ZFYVE9: variants seen among roughly 807,000 people sequenced by gnomAD.
ZFYVE9 encodes the protein zinc finger FYVE domain-containing protein 9.
ZFYVE9 carries 43 observed loss-of-function variants against 126.7 expected under a neutral mutation model. That is an observed-to-expected ratio of 0.34 (90% CI 0.27 to 0.44). The LOEUF (loss-of-function observed/expected upper bound fraction) is 0.44. Among genes scored for constraint, ZFYVE9 ranks in the 20% least tolerant of loss-of-function variants. ZFYVE9 has a pLI of 1.00. For missense variants in ZFYVE9, 1,476 were observed against 1,697.0 expected (o/e 0.87, Z 2.29); for synonymous variants, 521 against 597.4 (o/e 0.87, Z 1.87).
At chr1:52,262,342 G>A (rs991772420) in intron 4 of ZFYVE9, among the ~76,000 whole-genome samples, 8 of 152,300 alleles carry the variant, frequency 5.3e-5, no homozygotes, top group Admixed American at 5.2e-4. Flanking sequence ...TTGTAAATGA[G>A]TGTCTTCATG....
intron 8 of ZFYVE9, among the ~76,000 whole-genome samples, chr1:52,276,213 GT>G (rs770209542): frequency 6.6e-6 from 1 of 152,000 alleles, no homozygotes; most frequent in African/African-American, 2.4e-5. Context: ...GTCTGACAAT[GT>G]TTCTTATAAC....
At chr1:52,155,049 T>G (rs1475136188) in intron 1 of ZFYVE9, among the ~76,000 whole-genome samples, 1 of 152,164 alleles carries the variant, frequency 6.6e-6, no homozygotes, top group Non-Finnish European at 1.5e-5. Context: ...TGTTTCATTT[T>G]GATCCTTGAT....
intron 13 of ZFYVE9, among the ~76,000 whole-genome samples, chr1:52,321,341 G>A (rs1646238101): frequency 6.6e-6 from 1 of 152,148 alleles, no homozygotes; most frequent in Admixed American, 6.6e-5. Context: ...ATTTCTTTTA[G>A]GGAATTAGGA....
chr1:52,168,247 C>T (rs1242119109), intron 1 of ZFYVE9, among the ~76,000 whole-genome samples: 2 of 129,610 alleles, frequency 1.5e-5, no homozygotes, highest in African/African-American at 2.9e-5. Flanking sequence ...GACAGAGTCT[C>T]GCTCTGTCAT....
intron 7 of ZFYVE9, among the ~76,000 whole-genome samples, chr1:52,270,084 T>G (rs950311997): frequency 6.6e-6 from 1 of 152,214 alleles, no homozygotes; most frequent in Non-Finnish European, 1.5e-5. Context: ...ACACACGCTT[T>G]TTTTTTATGA....
chr1:52,291,309 A>G (rs77471094), intron 10 of ZFYVE9, among the ~76,000 whole-genome samples: 1,886 of 152,306 alleles, frequency 0.012, 33 homozygotes, highest in African/African-American at 0.043. Context: ...GGATGCAAAG[A>G]CCCATAACCA....
chr1:52,313,982 C>G (rs1646160370), intron 13 of ZFYVE9, among the ~76,000 whole-genome samples: 2 of 152,130 alleles, frequency 1.3e-5, no homozygotes, highest in African/African-American at 2.4e-5. Context: ...TGTGGAATGT[C>G]AGGCAGCCAA....
At chr1:52,155,318 C>A (rs1644392854) in intron 1 of ZFYVE9, among the ~76,000 whole-genome samples, 1 of 150,072 alleles carries the variant, frequency 6.7e-6, no homozygotes, top group Admixed American at 6.7e-5. Flanking sequence ...ACTGCAGGCT[C>A]CGCCCCCCGG....
intron 4 of ZFYVE9, among the ~76,000 whole-genome samples, chr1:52,255,958 CTTTTCTT>C (rs1327249628): frequency 1.8e-4 from 15 of 83,270 alleles, no homozygotes; most frequent in Admixed American, 1.6e-3. Context: ...CTTTTCTTTT[CTTTTCTT>C]TTCTTTCTTT....
intron 4 of ZFYVE9, chr1:52,252,326 G>GT (rs1481210288): frequency 1.3e-5 from 2 of 156,854 alleles, no homozygotes; most frequent in Non-Finnish European, 2.8e-5. Context: ...TGTTGTTGTT[G>GT]TTGTTTGTTT....
intron 10 of ZFYVE9, among the ~76,000 whole-genome samples, chr1:52,287,806 G>A (rs1460392181): frequency 2.6e-5 from 4 of 151,984 alleles, no homozygotes; most frequent in East Asian, 1.9e-4. Flanking sequence ...TTTTGAGGCC[G>A]TAGTGAGCTA....
chr1:52,203,585 C>T lies in ZFYVE9; in HGVS notation c.-142-12784C>T, dbSNP rs541485170. Among the ~76,000 whole-genome samples the T allele has an allele frequency of 1.6e-4, 24 of 146,706 alleles. No homozygotes were observed. The South Asian group carries it at 4.5e-3, about 28-fold the overall frequency. ...TTTTTCATGCTTGGTGTTCTCTGAA[C>T]TTTCTGTATCTGGGAATTGGTACGT... is the stretch of plus-strand genomic sequence containing the variant. On this transcript the variant is annotated intron_variant, in intron 1 of 18. Coordinates refer to ENST00000287727, the MANE Select transcript of ZFYVE9 (RefSeq NM_004799.4).
Position 52,174,988 on chromosome 1 carries a change from C to T in ZFYVE9, c.-143+32585C>T, listed in dbSNP as rs534936966. Among the ~76,000 whole-genome samples, 7 of 152,192 alleles carry T rather than the reference C, an allele frequency of 4.6e-5. No homozygotes were observed. In the South Asian group the frequency reaches 6.2e-4, roughly 14 times the overall value. On this transcript the variant is annotated intron_variant, in intron 1 of 18. Transcript: ENST00000287727. ...GCCAGTCTGTGTCTTTTAATTGGAG[C>T]GTTTAGTCCATTTACATTGAAAGTT... is the stretch of plus-strand genomic sequence containing the variant.
At chr1:52,317,283 T>A (rs1020283043) in intron 13 of ZFYVE9, among the ~76,000 whole-genome samples, 1 of 151,500 alleles carries the variant, frequency 6.6e-6, no homozygotes, top group East Asian at 1.9e-4. Context: ...CTTTGGGAGG[T>A]TGAGGTTGGG....
At chr1:52,168,516 C>CT (rs1226422869) in intron 1 of ZFYVE9, among the ~76,000 whole-genome samples, 11,022 of 143,334 alleles carry the variant, frequency 0.077, 539 homozygotes, top group African/African-American at 0.13. Context: ...TGTGCTTGGC[C>CT]TTTTTTTTTT....
chr1:52,178,394 C>T (rs946640603), intron 1 of ZFYVE9, among the ~76,000 whole-genome samples: 4 of 148,744 alleles, frequency 2.7e-5, no homozygotes, highest in African/African-American at 7.5e-5. Flanking sequence ...TGCAGTGGCA[C>T]GATCTTGGCT....
intron 4 of ZFYVE9, among the ~76,000 whole-genome samples, chr1:52,244,245 ATGG>A (rs554967792): frequency 6.6e-6 from 1 of 152,302 alleles, no homozygotes; most frequent in East Asian, 1.9e-4. Flanking sequence ...TTAGATGGAG[ATGG>A]TGGTTATGGA....
rs560646711 is a variant in ZFYVE9, at chr1:52,160,716, G to A, written c.-143+18313G>A. The A allele has an allele frequency of 1.9e-5, 8 of 419,906 alleles. No individual in the cohort carries two copies. The South Asian group carries it at 2.9e-4, about 15-fold the overall frequency. The allele number at this position is 419,906 out of a possible 1,614,324, so 26.0% of individuals were successfully genotyped here. ...GGCGTGAGCCACTGTGCCCGGCCTT[G>A]ATGACATTTTTCTAAGTTGCTTTGA... is the stretch of plus-strand genomic sequence containing the variant. On this transcript the variant is annotated intron_variant, in intron 1 of 18. Coordinates refer to ENST00000287727, the MANE Select transcript of ZFYVE9 (RefSeq NM_004799.4).
At chr1:52,317,854 G>T (rs1033380274) in intron 13 of ZFYVE9, among the ~76,000 whole-genome samples, 5 of 152,078 alleles carry the variant, frequency 3.3e-5, no homozygotes, top group African/African-American at 7.2e-5. Flanking sequence ...AGTTTTCACA[G>T]CTCTCAAGAT....
Sources: allele counts gnomAD v4.1 joint callset (sites outside exome capture counted in the v4.1 genomes callset), GRCh38; gene constraint gnomAD v4.1.1; transcripts MANE v1.5; gene names NCBI Gene and HGNC (gene_info 2026-07-23, HGNC 2026-07-21).